RPAP1: variants seen among roughly 807,000 people sequenced by gnomAD.
RPAP1 encodes RNA polymerase II-associated protein 1.
In RPAP1, 109 loss-of-function variants were observed where a neutral mutation model predicts 142.4. The observed-to-expected ratio is 0.77, with a 90% CI of 0.66 to 0.90. The LOEUF is 0.90. Ranked by LOEUF, RPAP1 falls within the 40% of genes least tolerant of loss-of-function variation. The pLI, the probability that RPAP1 is intolerant of heterozygous loss-of-function variation, is 0.00. For missense variants in RPAP1, 1,546 were observed against 1,751.7 expected (o/e 0.88, Z 2.10); for synonymous variants, 704 against 738.9 (o/e 0.95, Z 0.77).
intron 4 of RPAP1, 52 bp downstream of exon 4, chr15:41,536,077 T>TGAGA (rs2051903174): frequency 7.3e-7 from 1 of 1,362,212 alleles, no homozygotes; most frequent in African/African-American, 1.4e-5. Context: ...AGATGCACTA[T>TGAGA]GAGACTCACC....
intron 7 of RPAP1, among the ~76,000 whole-genome samples, chr15:41,530,376 C>CA (rs1310824289): frequency 6.6e-6 from 1 of 152,154 alleles, no homozygotes; most frequent in Non-Finnish European, 1.5e-5. Flanking sequence ...GAGGAGGAGG[C>CA]AACTATACTG....
intron 14 of RPAP1, 51 bp downstream of exon 14, chr15:41,526,847 C>T: frequency 6.5e-6 from 10 of 1,535,380 alleles, no homozygotes; most frequent in Middle Eastern, 1.8e-4. Flanking sequence ...TAGCTCCCAA[C>T]CCAACCCTGT....
chr15:41,536,160 G>A lies in RPAP1; in HGVS notation c.389C>T (p.Pro130Leu), dbSNP rs768173703. The change falls in exon 4 of 25, where the codon CCT (proline) becomes CTT (leucine). Residue 130 changes from proline to leucine, a missense_variant. Pro to Leu is a moderately conservative substitution (Grantham distance 98, BLOSUM62 -3). Around this residue, in one of 3 missense-constraint regions of RPAP1, gnomAD observed 1,333 missense variants for 1,486.6 expected, o/e 0.90. Coordinates refer to ENST00000304330, the MANE Select transcript of RPAP1 (RefSeq NM_015540.4). ...GTCCCGCGAGCGAAGGAACACAGCA[G>A]GGAAAGCAACACCACTGGGCACAGG... ...NLPVPSGVAF[P>L]AVFLRSRDTQ... The A allele has an allele frequency of 6.2e-7, 1 of 1,614,126 alleles. No individual in the cohort carries two copies. The highest frequency in any genetic ancestry group is 1.3e-5 in the African/African-American group (1 of 75,040).
chr15:41,526,377 G>A (rs576657648), intron 14 of RPAP1, among the ~76,000 whole-genome samples: 6 of 152,334 alleles, frequency 3.9e-5, no homozygotes, highest in African/African-American at 1.4e-4. Flanking sequence ...CTACCGAGTA[G>A]CTGAGACTAC....
At chr15:41,522,723 T>C in intron 19 of RPAP1, 42 bp downstream of exon 19, 1 of 865,152 alleles carries the variant, frequency 1.2e-6, no homozygotes. Context: ...TCCTGCCATC[T>C]TGGCCCCTTG....
chr15:41,519,996 C>T (rs551838363), intron 22 of RPAP1: 51 of 241,788 alleles, frequency 2.1e-4, no homozygotes, highest in Non-Finnish European at 3.5e-4. Context: ...TGCAGTGGCG[C>T]GATCTCGGCT....
At chr15:41,542,333 C>T (rs2051978925) in intron 1 of RPAP1, among the ~76,000 whole-genome samples, 1 of 152,128 alleles carries the variant, frequency 6.6e-6, no homozygotes, top group South Asian at 2.1e-4. Context: ...ATTTACAAGG[C>T]AGTACATCCC....
rs1347352749 is a variant in RPAP1, at chr15:41,537,389, C to T, written c.-76-188G>A. On this transcript the variant is annotated intron_variant, in intron 1 of 24. Coordinates refer to ENST00000304330, the MANE Select transcript of RPAP1 (RefSeq NM_015540.4). Reference sequence around the variant, plus strand: ...GCCTAGCAACAATATTTATAGCCAACTTAGGTTGTTTACAATCTATAGGTG... The same window carrying T: ...GCCTAGCAACAATATTTATAGCCAATTTAGGTTGTTTACAATCTATAGGTG... Among the ~76,000 whole-genome samples, 4 of 152,280 alleles carry T rather than the reference C, an allele frequency of 2.6e-5. No individual in the cohort carries two copies. The East Asian group carries it at 5.8e-4, about 22-fold the overall frequency.
intron 1 of RPAP1, among the ~76,000 whole-genome samples, chr15:41,543,454 C>G (rs2051990771): frequency 1.3e-5 from 2 of 151,894 alleles, no homozygotes; most frequent in South Asian, 4.2e-4. Flanking sequence ...CTCAGGTGAC[C>G]CGCCCGCCTC....
chr15:41,527,319 A>C lies in RPAP1; in HGVS notation c.1612-18T>G. On this transcript the variant is annotated intron_variant, in intron 12 of 24. Coordinates refer to ENST00000304330, the MANE Select transcript of RPAP1 (RefSeq NM_015540.4). ...AGGAGCCCCTGGGAGTTGGAGAGAG[A>C]AACCCACTGACAAATGCAGCTGGAC... 6.2e-7 allele frequency: 1 copy of C among 1,614,000 alleles called. No homozygotes were observed.
intron 17 of RPAP1, 93 bp downstream of exon 17, chr15:41,523,677 AG>A: frequency 1.9e-6 from 2 of 1,027,508 alleles, no homozygotes; most frequent in Middle Eastern, 2.6e-4. Context: ...GGGAAGTAGG[AG>A]TGGAGAGATG....
rs2051919914 is a variant in RPAP1, at chr15:41,537,099, C to A, written c.27G>T (p.Glu9Asp). 1 of 1,614,048 alleles carries A rather than the reference C, an allele frequency of 6.2e-7. No homozygotes were observed. The highest frequency in any genetic ancestry group is 8.5e-7 in the Non-Finnish European group (1 of 1,180,038). Residue 9 changes from glutamate to aspartate, a missense_variant, in exon 2 of 25, where the codon GAG becomes GAT. Glu to Asp is a conservative substitution (Grantham distance 45, BLOSUM62 2). Coordinates refer to ENST00000304330, the MANE Select transcript of RPAP1 (RefSeq NM_015540.4). ...GGAAGTGCAGCAGGTCCACCTCGGA[C>A]TCCCCTGGCTTCGGTCTCGACAGCA... MLSRPKPG[E>D]SEVDLLHFQS...
Position 41,536,255 on chromosome 15 carries a change from G to A in RPAP1, c.331-37C>T, listed in dbSNP as rs367781300. 9.2e-5 allele frequency: 146 copies of A among 1,586,020 alleles called. No individual in the cohort carries two copies. The African/African-American group carries it at 1.8e-3, about 20-fold the overall frequency. ...AAGCACAAAGTTGTGAAGCACAATG[G>A]AGAAACTTCCCCAGGCTGGACCCGA... On this transcript the variant is annotated intron_variant, in intron 3 of 24. Transcript: ENST00000304330.
At chr15:41,521,311 A>G (rs372342122) in intron 21 of RPAP1, among the ~76,000 whole-genome samples, 164 bp from the exon 22 acceptor site, 2 of 152,348 alleles carry the variant, frequency 1.3e-5, no homozygotes, top group Middle Eastern at 3.4e-3. Context: ...GAGGATGCAC[A>G]CTACAGCCAG....
intron 17 of RPAP1, among the ~76,000 whole-genome samples, chr15:41,523,568 C>A (rs1308494325): frequency 2.0e-4 from 30 of 152,228 alleles, no homozygotes; most frequent in Admixed American, 2.0e-3. Flanking sequence ...GCTGCGTGGG[C>A]TCTCTGGTCC....
Position 41,522,918 on chromosome 15 carries a change from G to A in RPAP1, c.2589C>T (p.Ala863=). 1 of 1,564,532 alleles carries A rather than the reference G, an allele frequency of 6.4e-7. No individual in the cohort carries two copies. Among genetic ancestry groups the A allele is most frequent in the Non-Finnish European group, 8.6e-7 (1 of 1,164,582 alleles). ...ACACGAGGCTGGGGGGAGCTTCAAG[G>A]GCTGGCACACAGGACAGCGGGTTGC... ...LLCNPLSCVP[A]LEAPPSLVSL... The change falls in exon 19 of 25, where the codon GCC becomes GCT. Residue 863 remains alanine, a synonymous_variant. Coordinates refer to ENST00000304330, the MANE Select transcript of RPAP1 (RefSeq NM_015540.4).
Position 41,521,835 on chromosome 15 carries a change from C to T in RPAP1, c.2941G>A (p.Gly981Ser). 1 of 1,614,162 alleles carries T rather than the reference C, an allele frequency of 6.2e-7. No homozygotes were observed. The highest frequency in any genetic ancestry group is 8.5e-7 in the Non-Finnish European group (1 of 1,180,032). ...LPATHAALYH[G>S]MALALLSRLL... ...CGGCTCAGCAGGGCCAAGGCCATAC[C>T]ATGATAGAGGGCAGCATGGGTGGCT... The change falls in exon 21 of 25, where the codon GGT (glycine) becomes AGT (serine). Residue 981 changes from glycine (G) to serine (S), a missense_variant. Physicochemically the swap from Gly to Ser is moderately conservative, Grantham distance 56. Around this residue, in one of 3 missense-constraint regions of RPAP1, gnomAD observed 1,333 missense variants for 1,486.6 expected, o/e 0.90. Transcript: ENST00000304330.
rs2051722895 is a variant in RPAP1 at position 41,521,144 on chromosome 15, T to C, written c.3042A>G (p.Glu1014=). 1.3e-6 allele frequency: 2 copies of C among 1,510,256 alleles called. No homozygotes were observed. Among genetic ancestry groups the C allele is most frequent in the Non-Finnish European group, 1.8e-6 (2 of 1,130,286 alleles). The allele number at this position is 1,510,256 out of a possible 1,614,324, so 93.6% of individuals were successfully genotyped here. Reference sequence around the variant, plus strand: ...CTGCCTCTGGACCCCCTGATGTTCTTTCCCTGTAATGGGACCCAAAAGCCA... The same window carrying C: ...CTGCCTCTGGACCCCCTGATGTTCTCTCCCTGTAATGGGACCCAAAAGCCA... ...SCVFRLEFLP[E]RTSGGPEAAD... Residue 1014 remains glutamate (E), a synonymous_variant, in exon 22 of 25, where the codon GAA becomes GAG. Transcript: ENST00000304330.
chr15:41,536,806 T>G, intron 2 of RPAP1, 139 bp downstream of exon 2: 1 of 1,377,346 alleles, frequency 7.3e-7, no homozygotes, highest in Non-Finnish European at 9.9e-7. Context: ...TCTTCCTCTG[T>G]AAAATGGGGC....
Sources: allele counts gnomAD v4.1 joint callset (sites outside exome capture counted in the v4.1 genomes callset), GRCh38; gene constraint gnomAD v4.1.1; regional missense constraint gnomAD v4.1.1; transcripts MANE v1.5; gene names NCBI Gene and HGNC (gene_info 2026-07-23, HGNC 2026-07-21).